DCC: variants seen among roughly 807,000 people sequenced by gnomAD.
The protein encoded by DCC is DCC netrin 1 receptor.
A neutral mutation model predicts 172.5 loss-of-function variants in DCC; 58 were observed. That is an observed-to-expected ratio of 0.34 (90% confidence interval 0.27 to 0.42). The LOEUF (loss-of-function observed/expected upper bound fraction) is 0.42. Ranked by LOEUF, DCC falls within the 10% of genes least tolerant of loss-of-function variation. The pLI, the probability that DCC is intolerant of heterozygous loss-of-function variation, is 1.00. For synonymous variants in DCC, 709 were observed against 644.5 expected (o/e 1.10, Z -1.52); for missense variants, 1,740 against 1,791.0 (o/e 0.97, Z 0.51).
intron 1 of DCC, among the ~76,000 whole-genome samples, chr18:52,585,374 A>T (rs950841528): frequency 6.6e-6 from 1 of 152,250 alleles, no homozygotes; most frequent in Non-Finnish European, 1.5e-5. Flanking sequence ...TTTCTGTAGA[A>T]AAAGAGAACT....
chr18:53,301,906 A>C (rs1166843253), intron 12 of DCC, among the ~76,000 whole-genome samples: 2 of 152,214 alleles, frequency 1.3e-5, no homozygotes, highest in Non-Finnish European at 2.9e-5. Flanking sequence ...GGGCTGCCAT[A>C]ATAAATACTG....
At chr18:53,454,385 CCT>C (rs1323261268) in intron 23 of DCC, among the ~76,000 whole-genome samples, 14 of 152,012 alleles carry the variant, frequency 9.2e-5, no homozygotes, top group African/African-American at 3.4e-4. Context: ...GATTTTTGTC[CCT>C]GTTTCTCTGT....
chr18:52,662,727 G>T (rs962404230), intron 1 of DCC, among the ~76,000 whole-genome samples: 2 of 152,226 alleles, frequency 1.3e-5, no homozygotes, highest in Non-Finnish European at 2.9e-5. Context: ...ATTCACATTT[G>T]CTGTCTTAGT....
intron 3 of DCC, among the ~76,000 whole-genome samples, chr18:52,912,242 T>C (rs1014750759): frequency 1.3e-5 from 2 of 152,104 alleles, no homozygotes; most frequent in Admixed American, 6.6e-5. Context: ...ACATATTTCA[T>C]AGGGTGGTTG....
intron 2 of DCC, among the ~76,000 whole-genome samples, chr18:52,794,496 A>G (rs75878355): frequency 1.3e-5 from 2 of 152,082 alleles, no homozygotes; most frequent in East Asian, 1.9e-4. Context: ...TTGTTTTTGT[A>G]TATTACAAGT....
intron 7 of DCC, among the ~76,000 whole-genome samples, chr18:53,102,797 G>A (rs900646024): frequency 1.3e-5 from 2 of 151,906 alleles, no homozygotes; most frequent in African/African-American, 2.4e-5. Flanking sequence ...TTCAGAATGG[G>A]TTATTACAGA....
intron 1 of DCC, among the ~76,000 whole-genome samples, chr18:52,737,773 G>T (rs1205361036): frequency 6.6e-6 from 1 of 152,170 alleles, no homozygotes; most frequent in Admixed American, 6.5e-5. Context: ...AAGTGTGAAT[G>T]AATGAATACG....
intron 2 of DCC, among the ~76,000 whole-genome samples, chr18:52,903,461 C>A (rs1167913479): frequency 6.6e-6 from 1 of 152,134 alleles, no homozygotes; most frequent in Non-Finnish European, 1.5e-5. Flanking sequence ...CTCACCTTTG[C>A]CTCCTAAAAT....
At chr18:52,636,808 C>G (rs1467419490) in intron 1 of DCC, among the ~76,000 whole-genome samples, 2 of 152,170 alleles carry the variant, frequency 1.3e-5, no homozygotes, top group Admixed American at 6.5e-5. Flanking sequence ...GGTCCCTCTC[C>G]ATGCTACTTA....
intron 3 of DCC, among the ~76,000 whole-genome samples, chr18:52,907,307 C>CATATGCATATATACATATGT (rs1555680326): frequency 9.9e-6 from 1 of 101,516 alleles, no homozygotes; most frequent in South Asian, 3.3e-4. Context: ...TGGATATATA[C>CATATGCATATATACATATGT]ATATGTATAT....
Position 53,467,889 on chromosome 18 carries a change from TTTAGG to T in DCC, c.3620-3_3621del. 1 of 1,503,796 alleles carries T rather than the reference TTTAGG, an allele frequency of 6.6e-7. No homozygotes were observed. The highest frequency in any genetic ancestry group is 9.3e-7 in the Non-Finnish European group (1 of 1,079,234). 93.2% of individuals were successfully genotyped at this position (1,503,796 alleles called of 1,614,324 possible). A position where few individuals can be genotyped will look rare whatever the true frequency, so the allele number is the denominator to read the frequency against. On this transcript the variant is annotated splice_acceptor_variant and splice_polypyrimidine_tract_variant and coding_sequence_variant and intron_variant, in exon 25 of 29. Coordinates refer to ENST00000442544, the MANE Select transcript of DCC (RefSeq NM_005215.4). LOFTEE classifies it high-confidence loss of function. ...GCATGTTTCTCAGGAGTGTGTATTT[TTTAGG>T]TCAAGACACTGAGGAAGCAGGGAGC...
intron 25 of DCC, among the ~76,000 whole-genome samples, chr18:53,469,919 C>T (rs988301618): frequency 2.1e-4 from 32 of 152,184 alleles, no homozygotes; most frequent in Non-Finnish European, 1.0e-4. Context: ...GGTCAAGTCT[C>T]ATACTCTCAG....
rs1381551198 is a variant in DCC at position 52,911,750 on chromosome 18, G to A, written c.697+5422G>A. Among the ~76,000 whole-genome samples, 3 of 150,834 alleles carry A rather than the reference G, an allele frequency of 2.0e-5. No homozygotes were observed. In the South Asian group the frequency reaches 6.3e-4, roughly 31 times the overall value. On this transcript the variant is annotated intron_variant, in intron 3 of 28. Transcript: ENST00000442544. Reference sequence around the variant, plus strand: ...TTAACATTTTTTTTTTTGCTGCATTGTAGGAGTTTCTCATACTGTGTTTTC... The same window carrying A: ...TTAACATTTTTTTTTTTGCTGCATTATAGGAGTTTCTCATACTGTGTTTTC...
intron 3 of DCC, among the ~76,000 whole-genome samples, chr18:52,912,784 A>T (rs2145462896): frequency 6.6e-6 from 1 of 152,092 alleles, no homozygotes; most frequent in South Asian, 2.1e-4. Flanking sequence ...AAATCTTTTC[A>T]CTATAAAGGA....
At chr18:52,542,164 G>T (rs185969384) in intron 1 of DCC, among the ~76,000 whole-genome samples, 2 of 151,314 alleles carry the variant, frequency 1.3e-5, no homozygotes, top group Admixed American at 1.3e-4. Context: ...AAAATGTATA[G>T]TTTTTACTAC....
chr18:53,003,839 G>A (rs537581387), intron 5 of DCC, among the ~76,000 whole-genome samples: 1 of 152,110 alleles, frequency 6.6e-6, no homozygotes, highest in Non-Finnish European at 1.5e-5. Context: ...GCATGCATGA[G>A]TGATTAGTGT....
At chr18:53,214,142 T>G (rs563935936) in intron 11 of DCC, among the ~76,000 whole-genome samples, 1 of 152,202 alleles carries the variant, frequency 6.6e-6, no homozygotes, top group East Asian at 1.9e-4. Flanking sequence ...AAATAACATT[T>G]TATAAATTGT....
intron 22 of DCC, among the ~76,000 whole-genome samples, chr18:53,444,801 C>A (rs1912497859): frequency 6.6e-6 from 1 of 152,170 alleles, no homozygotes; most frequent in Admixed American, 6.5e-5. Context: ...TGTGTGGAAC[C>A]AAAACCACAG....
intron 1 of DCC, among the ~76,000 whole-genome samples, chr18:52,583,895 T>C (rs1275560781): frequency 1.3e-5 from 2 of 152,246 alleles, no homozygotes; most frequent in Non-Finnish European, 2.9e-5. Context: ...TTTCTCTTTC[T>C]TCCTTTTCTT....
Sources: allele counts gnomAD v4.1 joint callset (sites outside exome capture counted in the v4.1 genomes callset), GRCh38; gene constraint gnomAD v4.1.1; transcripts MANE v1.5; gene names NCBI Gene and HGNC (gene_info 2026-07-23, HGNC 2026-07-21).